The following FASTKD2 variants were observed in gnomAD, a reference collection of about 807,000 sequenced individuals.
FASTKD2 encodes the protein FAST kinase domain-containing protein 2, mitochondrial.
A neutral mutation model predicts 63.6 loss-of-function variants in FASTKD2; 51 were observed. The observed-to-expected ratio is 0.80, with a 90% CI of 0.64 to 1.01. The LOEUF is 1.01. FASTKD2 is among the 50% of genes least tolerant of loss of function. The probability of loss-of-function intolerance (pLI) is 0.00; values close to 1 mark genes in which losing one functional copy is unlikely to be tolerated. For missense variants in FASTKD2, 786 were observed against 831.1 expected, an observed-to-expected ratio of 0.95 and a Z score of 0.67; for synonymous variants, 284 against 293.4, an observed-to-expected ratio of 0.97 and a Z score of 0.33.
intron 11 of FASTKD2, 168 bp downstream of exon 11, chr2:206,790,854 C>G: frequency 3.2e-6 from 2 of 621,904 alleles, no homozygotes; most frequent in Non-Finnish European, 5.9e-6. Flanking sequence ...TGCTAGTACA[C>G]GATTTGGGTT....
intron 7 of FASTKD2, among the ~76,000 whole-genome samples, chr2:206,778,745 A>G (rs1689888704): frequency 6.6e-6 from 1 of 151,716 alleles, no homozygotes; most frequent in African/African-American, 2.4e-5. Context: ...ACACAGCAGG[A>G]GGTGAGTGGC....
In FASTKD2 at chr2:206,786,731, A is replaced by G. The variant is rs1434381443; in HGVS notation, c.1428-2A>G. ...GGAAACTGACTTTTCTTTGTTCCCC[A>G]GACAGTTCGTGGAAGTTATGGCTAG... On this transcript the variant is annotated splice_acceptor_variant, in intron 7 of 11. Transcript: ENST00000402774. LOFTEE classifies it high-confidence loss of function. The G allele has an allele frequency of 6.2e-7, 1 of 1,613,664 alleles. No homozygotes were observed. Among genetic ancestry groups the G allele is most frequent in the Admixed American group, 1.7e-5 (1 of 60,022 alleles).
At chr2:206,782,430 C>A (rs1384279497) in intron 7 of FASTKD2, among the ~76,000 whole-genome samples, 2 of 152,208 alleles carry the variant, frequency 1.3e-5, no homozygotes, top group African/African-American at 4.8e-5. Flanking sequence ...ACTGGACCTT[C>A]TTCTAGTTCA....
chr2:206,768,107 G>A (rs1200898508), intron 2 of FASTKD2, among the ~76,000 whole-genome samples: 4 of 152,194 alleles, frequency 2.6e-5, no homozygotes, highest in Non-Finnish European at 4.4e-5. Context: ...ATCATAAAGA[G>A]CCTCTTACGG....
At chr2:206,785,645 C>T (rs1310864862) in intron 7 of FASTKD2, among the ~76,000 whole-genome samples, 5 of 152,146 alleles carry the variant, frequency 3.3e-5, no homozygotes, top group African/African-American at 7.2e-5. Flanking sequence ...CCCCTGCCCC[C>T]GCATCCCACT....
chr2:206,786,209 C>T (rs556103615), intron 7 of FASTKD2, among the ~76,000 whole-genome samples: 3 of 152,250 alleles, frequency 2.0e-5, no homozygotes, highest in African/African-American at 7.2e-5. Context: ...TTGTGCTTAA[C>T]CACGTTATAC....
intron 11 of FASTKD2, chr2:206,790,959 A>G (rs1232840561): frequency 1.9e-5 from 7 of 367,562 alleles, no homozygotes; most frequent in African/African-American, 1.0e-4. Context: ...TGCAAATAAT[A>G]TATTTTCATA....
rs781715702 is a variant in FASTKD2 at position 206,786,800 on chromosome 2, T to C, written c.1495T>C (p.Leu499=). 3.7e-6 allele frequency: 6 copies of C among 1,613,648 alleles called. No homozygotes were observed. Among genetic ancestry groups the C allele is most frequent in the East Asian group, 2.2e-5 (1 of 44,870 alleles). ...YLHTISSENL[L]DAVYSFCLMN... The stretch of plus-strand genomic sequence containing the variant: ...TCACACTATTTCTTCTGAAAACTTA[T>C]TGGATGCAGTATATTCATTTTGCTT... The change falls in exon 8 of 12, where the codon TTG becomes CTG. Residue 499 remains leucine (L), a synonymous_variant. Coordinates refer to ENST00000402774, the MANE Select transcript of FASTKD2 (RefSeq NM_001136193.2).
At chr2:206,771,149 TA>T in intron 3 of FASTKD2, 32 bp from the exon 4 acceptor site, 1 of 1,270,710 alleles carries the variant, frequency 7.9e-7, no homozygotes, top group South Asian at 1.2e-5. Flanking sequence ...TTGAAGATTC[TA>T]TGATTTTAAT....
chr2:206,787,893 CATTT>C (rs761270972), intron 8 of FASTKD2, 40 bp from the exon 9 acceptor site: 1 of 1,059,136 alleles, frequency 9.4e-7, no homozygotes, highest in African/African-American at 1.6e-5. Context: ...TTTAATGTTG[CATTT>C]ATTTCTTCTT....
At position 206,795,760 on chromosome 2, in the gene FASTKD2, AT is replaced by A. The variant is rs562128527; in HGVS notation, c.*3963del. On this transcript the variant is annotated 3_prime_UTR_variant, in exon 12 of 12. Coordinates refer to ENST00000402774, the MANE Select transcript of FASTKD2 (RefSeq NM_001136193.2). ...CCAACAAACAGCCACAGAGCATTTT[AT>A]TTTTCTAGAAGAGCAATAACAGAGA... Among the ~76,000 whole-genome samples the A allele has an allele frequency of 1.1e-4, 17 of 152,292 alleles. No individual in the cohort carries two copies. The East Asian group carries it at 3.3e-3, about 29-fold the overall frequency.
At chr2:206,773,245 G>A (rs1185469602) in intron 6 of FASTKD2, among the ~76,000 whole-genome samples, 2 of 150,304 alleles carry the variant, frequency 1.3e-5, no homozygotes, top group Non-Finnish European at 3.0e-5. Context: ...AACCTGGGAG[G>A]TGGAGGTTGC....
chr2:206,766,783 AT>A lies in FASTKD2; in HGVS notation c.92del (p.Phe31SerfsTer4). ...AGSFFWNLRQ[F>X]STLVSTSRTM... is the part of the protein sequence containing the mutation. The stretch of plus-strand genomic sequence containing the variant: ...GCTCCTTTTTCTGGAACCTTAGACA[AT>A]TCAGTACATTAGTTTCAACAAGCAG... On this transcript the variant is annotated frameshift_variant, in exon 2 of 12. Coordinates refer to ENST00000402774, the MANE Select transcript of FASTKD2 (RefSeq NM_001136193.2). LOFTEE classifies it high-confidence loss of function. The A allele has an allele frequency of 6.2e-7, 1 of 1,613,718 alleles. No individual in the cohort carries two copies. The highest frequency in any genetic ancestry group is 8.5e-7 in the Non-Finnish European group (1 of 1,179,808).
At chr2:206,770,565 A>G (rs975411361) in intron 3 of FASTKD2, among the ~76,000 whole-genome samples, 1 of 152,032 alleles carries the variant, frequency 6.6e-6, no homozygotes. Flanking sequence ...GCCCGTCTCT[A>G]CTAAAAATAC....
At position 206,793,207 on chromosome 2, in the gene FASTKD2, C is replaced by T. The variant is rs1045813262; in HGVS notation, c.*1405C>T. Among the ~76,000 whole-genome samples the T allele has an allele frequency of 7.1e-5, 8 of 112,894 alleles. No homozygotes were observed. The highest frequency in any genetic ancestry group is 5.0e-4 in the Admixed American group (4 of 7,954). The allele number at this position is 112,894 out of a possible 152,430, so 74.1% of individuals were successfully genotyped here. A position where few individuals can be genotyped will look rare whatever the true frequency, so the allele number is the denominator to read the frequency against. On this transcript the variant is annotated 3_prime_UTR_variant, in exon 12 of 12. Coordinates refer to ENST00000402774, the MANE Select transcript of FASTKD2 (RefSeq NM_001136193.2). The stretch of plus-strand genomic sequence containing the variant: ...GCTGCACTCCAGCCTGACCACAGAG[C>T]GAGACTCTGTCTCAAAAAAAAAAAA...
chr2:206,774,443 C>CA (rs749337210), intron 7 of FASTKD2, 46 bp downstream of exon 7: 2 of 1,220,992 alleles, frequency 1.6e-6, no homozygotes, highest in Non-Finnish European at 2.4e-6. Context: ...ATATAACTTA[C>CA]AAAAAAGGTT....
At chr2:206,784,741 C>T (rs531790499) in intron 7 of FASTKD2, among the ~76,000 whole-genome samples, 4 of 152,292 alleles carry the variant, frequency 2.6e-5, no homozygotes, top group South Asian at 4.2e-4. Flanking sequence ...CTTGACTCAT[C>T]GTTTTCCAAT....
Position 206,791,886 on chromosome 2 carries a change from G to A in FASTKD2, c.*84G>A. 7.7e-7 allele frequency: 1 copy of A among 1,298,256 alleles called. No individual in the cohort carries two copies. The highest frequency in any genetic ancestry group is 1.2e-5 in the South Asian group (1 of 81,180). 80.4% of individuals were successfully genotyped at this position (1,298,256 alleles called of 1,614,324 possible). On this transcript the variant is annotated 3_prime_UTR_variant, in exon 12 of 12. Coordinates refer to ENST00000402774, the MANE Select transcript of FASTKD2 (RefSeq NM_001136193.2). ...ACAAGTCAGTTGTCAATGGAATTGAGCTATCTGCTAAGACAAAAAATGTTA... is the reference window on the plus strand; with the variant it reads ...ACAAGTCAGTTGTCAATGGAATTGAACTATCTGCTAAGACAAAAAATGTTA...
Position 206,793,220 on chromosome 2 carries a change from C to CAAAAAAAAA in FASTKD2, c.*1441_*1449dup, listed in dbSNP as rs58656956. Among the ~76,000 whole-genome samples, 97 of 65,802 alleles carry CAAAAAAAAA rather than the reference C, an allele frequency of 1.5e-3. No homozygotes were observed. The highest frequency in any genetic ancestry group is 1.7e-3 in the Non-Finnish European group (60 of 36,074). The allele number at this position is 65,802 out of a possible 152,430, so 43.2% of individuals were successfully genotyped here. Reference sequence around the variant, plus strand: ...CTGACCACAGAGCGAGACTCTGTCTCAAAAAAAAAAAAAAAAAAAAAAAAA... The same window carrying CAAAAAAAAA: ...CTGACCACAGAGCGAGACTCTGTCTCAAAAAAAAAAAAAAAAAAAAAAAAAAAAAAAAAA... On this transcript the variant is annotated 3_prime_UTR_variant, in exon 12 of 12. Transcript: ENST00000402774.
Sources: gnomAD v4.1 joint callset for allele counts (sites outside exome capture counted in the v4.1 genomes callset) on GRCh38, gnomAD v4.1.1 for gene constraint, MANE v1.5 for transcripts, NCBI Gene and HGNC (gene_info 2026-07-23, HGNC 2026-07-21) for gene names.